The following PRKCSH variants were observed in gnomAD, a reference collection of about 807,000 sequenced individuals.
The protein encoded by PRKCSH is glucosidase 2 subunit beta.
PRKCSH carries 42 observed loss-of-function variants against 79.7 expected under a neutral mutation model. The observed-to-expected ratio is 0.53, with a 90% confidence interval of 0.41 to 0.68. The LOEUF (loss-of-function observed/expected upper bound fraction) is 0.68, where lower values mean the gene tolerates loss of function less well. Ranked by LOEUF, PRKCSH falls within the 30% of genes least tolerant of loss-of-function variation. The probability of loss-of-function intolerance (pLI) is 0.00; values close to 1 mark genes in which losing one functional copy is unlikely to be tolerated. For missense variants in PRKCSH, 686 were observed against 709.0 expected (o/e 0.97, Z 0.37); for synonymous variants, 325 against 288.2 (o/e 1.13, Z -1.29).
chr19:11,449,364 G>C lies in PRKCSH; in HGVS notation c.1560G>C (p.Pro520=). 1 of 1,613,394 alleles carries C rather than the reference G, an allele frequency of 6.2e-7. No homozygotes were observed. Among genetic ancestry groups the C allele is most frequent in the Non-Finnish European group, 8.5e-7 (1 of 1,179,960 alleles). The stretch of plus-strand genomic sequence containing the variant: ...AGCTGATGACGCCAGCCGCCTGCCC[G>C]GAGCCACCGCCTGAAGCACCCACCG... ...LMELMTPAAC[P]EPPPEAPTED... The change falls in exon 17 of 18, where the codon CCG becomes CCC. Residue 520 remains proline (P), a synonymous_variant. Coordinates refer to ENST00000677123, the MANE Select transcript of PRKCSH (RefSeq NM_001289104.2). This position sits in a 1 kb window ranked among gnomAD's most constrained non-coding sequence, Gnocchi z 6.4.
chr19:11,437,033 C>G (rs460660), intron 3 of PRKCSH, among the ~76,000 whole-genome samples: 18,629 of 147,080 alleles, frequency 0.13, 1,466 homozygotes, highest in African/African-American at 0.23. Flanking sequence ...GAGACCGTGT[C>G]TTTGGTTTTG....
intron 9 of PRKCSH, 158 bp from the exon 10 acceptor site, chr19:11,446,916 C>G (rs1970332046): frequency 1.3e-6 from 1 of 751,738 alleles, no homozygotes; most frequent in East Asian, 2.7e-5. Context: ...TGTGCTGCCC[C>G]CTCCTGGCCG....
Position 11,436,517 on chromosome 19 carries a change from C to G in PRKCSH, c.196+12C>G, listed in dbSNP as rs956712736. ...CTCTGACGAGCCAGGTGAGCCTTTT[C>G]TCTGTTCATCCATCAGATGTTTATT... On this transcript the variant is annotated intron_variant, in intron 3 of 17. Transcript: ENST00000677123. 1 of 1,587,196 alleles carries G rather than the reference C, an allele frequency of 6.3e-7. No homozygotes were observed. Among genetic ancestry groups the G allele is most frequent in the Non-Finnish European group, 8.6e-7 (1 of 1,157,406 alleles).
rs1253270119 is a variant in PRKCSH, at chr19:11,435,738, TCA to T, written c.-78+33_-78+34del. The T allele has an allele frequency of 3.0e-6, 4 of 1,344,004 alleles. No homozygotes were observed. The South Asian group carries it at 3.7e-5, about 12-fold the overall frequency. The allele number at this position is 1,344,004 out of a possible 1,614,324, so 83.3% of individuals were successfully genotyped here. A position where few individuals can be genotyped will look rare whatever the true frequency, so the allele number is the denominator to read the frequency against. On this transcript the variant is annotated intron_variant, in intron 1 of 17. Transcript: ENST00000677123. ...GTGAACGAGCGGGTGGGAGGGCACC[TCA>T]GTTTCTTACAGGGGGCAACCGGAGG...
At chr19:11,444,315 C>T (rs1372505875) in intron 7 of PRKCSH, among the ~76,000 whole-genome samples, 2 of 152,150 alleles carry the variant, frequency 1.3e-5, no homozygotes, top group Admixed American at 6.5e-5. Flanking sequence ...CATGTTTTGA[C>T]CCAGATTCCC....
At position 11,445,393 on chromosome 19, in the gene PRKCSH, G is replaced by A; in HGVS notation, c.603G>A (p.Gln201=). Residue 201 remains glutamine (Q), a synonymous_variant, in exon 8 of 18, where the codon CAG becomes CAA. Transcript: ENST00000677123. ...ACAGAGGTGGCTTCTTTACAGAGCAGCTGGCTGCTGCCAAGGCCCAACAGG... is the reference window on the plus strand; with the variant it reads ...ACAGAGGTGGCTTCTTTACAGAGCAACTGGCTGCTGCCAAGGCCCAACAGG... ...KEQHQKLWEE[Q]LAAAKAQQEQ... is the part of the protein sequence containing the mutation. 1 of 1,613,762 alleles carries A rather than the reference G, an allele frequency of 6.2e-7. No individual in the cohort carries two copies. Among genetic ancestry groups the A allele is most frequent in the Non-Finnish European group, 8.5e-7 (1 of 1,180,024 alleles).
In PRKCSH at chr19:11,448,170, C is replaced by T. The variant is rs1970410900; in HGVS notation, c.1127-52C>T. On this transcript the variant is annotated intron_variant, in intron 12 of 17. Coordinates refer to ENST00000677123, the MANE Select transcript of PRKCSH (RefSeq NM_001289104.2). This position sits in a 1 kb window ranked among gnomAD's most constrained non-coding sequence, Gnocchi z 4.4. The stretch of plus-strand genomic sequence containing the variant: ...GCCACATCCATGGAACCCCGTTCCC[C>T]ATCCTCCTGGATGGGGTTGAGGACA... The T allele has an allele frequency of 6.6e-7, 1 of 1,521,968 alleles. No homozygotes were observed. The highest frequency in any genetic ancestry group is 8.9e-7 in the Non-Finnish European group (1 of 1,120,392). 94.3% of individuals were successfully genotyped at this position (1,521,968 alleles called of 1,614,324 possible).
chr19:11,441,369 GC>G lies in PRKCSH; in HGVS notation c.468+13del. On this transcript the variant is annotated intron_variant, in intron 6 of 17. Transcript: ENST00000677123. ...GGGAGGAGAAGCAGGTAAGGAACCCGCGGGGGCTGCCCCAGGGTGATCTGGG... is the reference window on the plus strand; with the variant it reads ...GGGAGGAGAAGCAGGTAAGGAACCCGGGGGGCTGCCCCAGGGTGATCTGGG... 1 of 1,612,772 alleles carries G rather than the reference GC, an allele frequency of 6.2e-7. No individual in the cohort carries two copies. Among genetic ancestry groups the G allele is most frequent in the Non-Finnish European group, 8.5e-7 (1 of 1,179,018 alleles).
rs185100338 is a variant in PRKCSH, at chr19:11,436,381, C to T, written c.80-8C>T. ...CCTGCCCTGGGCTGAGCTTCCTGTA[C>T]CCCGCAGATCATCACTTCTACGATG... is the stretch of plus-strand genomic sequence containing the variant. On this transcript the variant is annotated splice_region_variant and splice_polypyrimidine_tract_variant and intron_variant, in intron 2 of 17. Coordinates refer to ENST00000677123, the MANE Select transcript of PRKCSH (RefSeq NM_001289104.2). 26 of 1,613,350 alleles carry T rather than the reference C, an allele frequency of 1.6e-5. 2 individuals are homozygous for T. In the Admixed American group the frequency reaches 3.2e-4, roughly 20 times the overall value.
intron 17 of PRKCSH, chr19:11,450,373 A>G (rs1302946698): frequency 1.3e-5 from 2 of 151,820 alleles, no homozygotes; most frequent in African/African-American, 4.8e-5. Flanking sequence ...GCTGCTCAAG[A>G]GGCTGAAGCA....
Position 11,449,524 on chromosome 19 carries a change from T to G in PRKCSH, c.*16+96T>G, listed in dbSNP as rs529562388. ...CCCACATGGCCACTCTATCAACCTGTGTCCCCATGTTCCCTGCTTTTTTGT... is the reference window on the plus strand; with the variant it reads ...CCCACATGGCCACTCTATCAACCTGGGTCCCCATGTTCCCTGCTTTTTTGT... On this transcript the variant is annotated intron_variant, in intron 17 of 17. Transcript: ENST00000677123. The surrounding 1 kb of genome is among the most constrained non-coding windows in gnomAD (Gnocchi z 6.4). The G allele has an allele frequency of 2.0e-6, 3 of 1,502,608 alleles. No individual in the cohort carries two copies. Among genetic ancestry groups the G allele is most frequent in the South Asian group, 2.3e-5 (2 of 87,516 alleles). The allele number at this position is 1,502,608 out of a possible 1,614,324, so 93.1% of individuals were successfully genotyped here.
At chr19:11,438,411 A>G (rs1264992177) in intron 5 of PRKCSH, among the ~76,000 whole-genome samples, 1 of 152,070 alleles carries the variant, frequency 6.6e-6, no homozygotes, top group Non-Finnish European at 1.5e-5. Flanking sequence ...TTCCATTGTC[A>G]CGCTCTGCAG....
chr19:11,449,513 C>T lies in PRKCSH; in HGVS notation c.*16+85C>T, dbSNP rs1055819665. ...AGGAAGATGGACCCACATGGCCACT[C>T]TATCAACCTGTGTCCCCATGTTCCC... On this transcript the variant is annotated intron_variant, in intron 17 of 17. Coordinates refer to ENST00000677123, the MANE Select transcript of PRKCSH (RefSeq NM_001289104.2). This position sits in a 1 kb window ranked among gnomAD's most constrained non-coding sequence, Gnocchi z 6.4. 6.5e-7 allele frequency: 1 copy of T among 1,541,516 alleles called. No individual in the cohort carries two copies. The highest frequency in any genetic ancestry group is 8.9e-7 in the Non-Finnish European group (1 of 1,120,928).
intron 3 of PRKCSH, 83 bp downstream of exon 3, chr19:11,436,588 C>T (rs1041808083): frequency 9.0e-7 from 1 of 1,113,770 alleles, no homozygotes; most frequent in East Asian, 2.6e-5. Flanking sequence ...CAAGATACTA[C>T]CTCTGCTGGC....
rs752430313 is a variant in PRKCSH at position 11,449,361 on chromosome 19, C to T, written c.1557C>T (p.Cys519=). The T allele has an allele frequency of 2.5e-6, 4 of 1,613,342 alleles. No individual in the cohort carries two copies. The highest frequency in any genetic ancestry group is 1.7e-5 in the Admixed American group (1 of 59,998). The change falls in exon 17 of 18, where the codon TGC becomes TGT. Residue 519 remains cysteine (C), a synonymous_variant. Coordinates refer to ENST00000677123, the MANE Select transcript of PRKCSH (RefSeq NM_001289104.2). This position sits in a 1 kb window ranked among gnomAD's most constrained non-coding sequence, Gnocchi z 6.4. ...YLMELMTPAA[C]PEPPPEAPTE... is the part of the protein sequence containing the mutation. ...TGGAGCTGATGACGCCAGCCGCCTG[C>T]CCGGAGCCACCGCCTGAAGCACCCA...
In PRKCSH at chr19:11,435,661, T is replaced by C. The variant is rs757399963; in HGVS notation, c.-123T>C. On this transcript the variant is annotated 5_prime_UTR_variant, in exon 1 of 18. Coordinates refer to ENST00000677123, the MANE Select transcript of PRKCSH (RefSeq NM_001289104.2). ...TTTCTGCAGCAGGAACCGCGGCTGC[T>C]GGACAAGAGGGGTGCGGTGGATACT... 16 of 1,295,550 alleles carry C rather than the reference T, an allele frequency of 1.2e-5. No individual in the cohort carries two copies. The highest frequency in any genetic ancestry group is 2.5e-5 in the South Asian group (2 of 81,002). 80.3% of individuals were successfully genotyped at this position (1,295,550 alleles called of 1,614,324 possible).
At chr19:11,443,811 G>A (rs181657516) in intron 7 of PRKCSH, among the ~76,000 whole-genome samples, 1 of 152,220 alleles carries the variant, frequency 6.6e-6, no homozygotes, top group Non-Finnish European at 1.5e-5. Context: ...GTCTCACTCT[G>A]TCGCCTAGGC....
rs1355067418 is a variant in PRKCSH, at chr19:11,447,461, C to CG, written c.872_873insG (p.Pro292ThrfsTer5). The CG allele has an allele frequency of 6.2e-7, 1 of 1,613,920 alleles. No individual in the cohort carries two copies. The highest frequency in any genetic ancestry group is 1.3e-5 in the African/African-American group (1 of 74,938). On this transcript the variant is annotated frameshift_variant, in exon 11 of 18. Transcript: ENST00000677123. LOFTEE classifies it high-confidence loss of function. This position sits in a 1 kb window ranked among gnomAD's most constrained non-coding sequence, Gnocchi z 5.6. ...CAGGCACTGCCCACCGACCTTCCAG[C>CG]ACCTTCTGCCCCTGACTTGACGGAG...
intron 8 of PRKCSH, 59 bp downstream of exon 8, chr19:11,445,532 C>A: frequency 6.5e-7 from 1 of 1,530,582 alleles, no homozygotes; most frequent in African/African-American, 1.4e-5. Context: ...TCCCTCCCCG[C>A]CACCCTCGCC....
Sources: gnomAD v4.1 joint callset for allele counts (sites outside exome capture counted in the v4.1 genomes callset) on GRCh38, gnomAD v4.1.1 for gene constraint, Gnocchi (gnomAD v3.1) non-coding constraint, MANE v1.5 for transcripts, NCBI Gene and HGNC (gene_info 2026-07-23, HGNC 2026-07-21) for gene names.